ARFGEF2: variants seen among roughly 807,000 people sequenced by gnomAD.
The protein encoded by ARFGEF2 is ARF guanine nucleotide exchange factor 2.
A neutral mutation model predicts 219.9 loss-of-function variants in ARFGEF2; 74 were observed. The observed-to-expected ratio is 0.34, with a 90% CI of 0.28 to 0.41. The LOEUF (loss-of-function observed/expected upper bound fraction) is 0.41. Ranked by LOEUF, ARFGEF2 falls within the 10% of genes least tolerant of loss-of-function variation. The pLI, the probability that ARFGEF2 is intolerant of heterozygous loss-of-function variation, is 1.00. For missense variants in ARFGEF2, 1,743 were observed against 2,218.3 expected (o/e 0.79, Z 4.30); for synonymous variants, 733 against 799.2 (o/e 0.92, Z 1.40).
In ARFGEF2 at chr20:48,988,532, T is replaced by C; in HGVS notation, c.2403T>C (p.Asn801=). 6.2e-7 allele frequency: 1 copy of C among 1,613,606 alleles called. No homozygotes were observed. Among genetic ancestry groups the C allele is most frequent in the Non-Finnish European group, 8.5e-7 (1 of 1,179,710 alleles). The part of the protein sequence containing the change: ...KMTKEQYIKM[N]RGINDSKDLP... Reference sequence around the variant, plus strand: ...CGAAAGAGCAGTATATTAAAATGAATCGGGGTATCAATGATAGTAAAGATC... The same window carrying C: ...CGAAAGAGCAGTATATTAAAATGAACCGGGGTATCAATGATAGTAAAGATC... The change falls in exon 18 of 39, where the codon AAT becomes AAC. Residue 801 remains asparagine, a synonymous_variant. Transcript: ENST00000371917.
At chr20:49,032,949 T>G (rs746603834) in intron 38 of ARFGEF2, 74 bp from the exon 39 acceptor site, 10 of 1,402,774 alleles carry the variant, frequency 7.1e-6, no homozygotes, top group East Asian at 4.6e-5. Context: ...AGGGTGAGAT[T>G]AACACTTCTG....
At chr20:48,935,802 C>T (rs1169329336) in intron 1 of ARFGEF2, among the ~76,000 whole-genome samples, 4 of 144,730 alleles carry the variant, frequency 2.8e-5, no homozygotes, top group Non-Finnish European at 4.6e-5. Flanking sequence ...CCGGACGGGG[C>T]GGCTGGCCGG....
At chr20:48,953,169 T>TTTTTTC (rs1193636710) in intron 5 of ARFGEF2, among the ~76,000 whole-genome samples, 30 of 150,196 alleles carry the variant, frequency 2.0e-4, no homozygotes, top group African/African-American at 7.3e-4. Flanking sequence ...TTTCTTTTTT[T>TTTTTTC]TTTTTTCTTT....
Position 48,990,592 on chromosome 20 carries a change from G to A in ARFGEF2, c.2815-448G>A, listed in dbSNP as rs188467444. Among the ~76,000 whole-genome samples the A allele has an allele frequency of 2.0e-5, 3 of 152,230 alleles. No homozygotes were observed. The East Asian group carries it at 5.8e-4, about 29-fold the overall frequency. On this transcript the variant is annotated intron_variant, in intron 20 of 38. Coordinates refer to ENST00000371917, the MANE Select transcript of ARFGEF2 (RefSeq NM_006420.3). The stretch of plus-strand genomic sequence containing the variant: ...ACCAAGACCACAAGCTTTGACGTTA[G>A]ACCATCTAGGTTTCAAGACCCCACT...
intron 6 of ARFGEF2, among the ~76,000 whole-genome samples, chr20:48,961,085 TAA>T (rs2091147257): frequency 6.8e-6 from 1 of 146,170 alleles, no homozygotes; most frequent in African/African-American, 2.5e-5. Context: ...TCTCAAAATA[TAA>T]TAATAATAAT....
intron 35 of ARFGEF2, 42 bp from the exon 36 acceptor site, chr20:49,025,271 A>G: frequency 6.3e-7 from 1 of 1,582,104 alleles, no homozygotes; most frequent in Non-Finnish European, 8.6e-7. Flanking sequence ...AGAGCATTCC[A>G]TCTTCTTCAT....
chr20:48,981,605 C>T (rs1213797555), intron 14 of ARFGEF2, among the ~76,000 whole-genome samples: 1 of 152,220 alleles, frequency 6.6e-6, no homozygotes, highest in East Asian at 1.9e-4. Flanking sequence ...CTCCCTGTCA[C>T]TTTCAGGCAT....
chr20:48,926,505 G>A (rs538847609), intron 1 of ARFGEF2, among the ~76,000 whole-genome samples: 80 of 151,812 alleles, frequency 5.3e-4, no homozygotes, highest in African/African-American at 1.9e-3. Flanking sequence ...CCAGGCTGGA[G>A]TGCAGTGGTG....
intron 23 of ARFGEF2, among the ~76,000 whole-genome samples, chr20:48,996,564 A>T (rs981073162): frequency 1.3e-5 from 2 of 151,698 alleles, no homozygotes; most frequent in East Asian, 3.9e-4. Context: ...TGGTGAAACC[A>T]TGTCTCTACT....
At chr20:48,962,012 C>G (rs1213984752) in intron 6 of ARFGEF2, among the ~76,000 whole-genome samples, 1 of 151,442 alleles carries the variant, frequency 6.6e-6, no homozygotes, top group Non-Finnish European at 1.5e-5. Flanking sequence ...AACCCTATCT[C>G]TGCTAAAAAT....
intron 25 of ARFGEF2, among the ~76,000 whole-genome samples, chr20:49,004,716 G>A (rs7362627): frequency 3.3e-5 from 5 of 151,250 alleles, no homozygotes; most frequent in African/African-American, 9.7e-5. Flanking sequence ...TGCTTGAACC[G>A]GGGAGATGGA....
chr20:49,025,017 C>A (rs2091593350), intron 35 of ARFGEF2, among the ~76,000 whole-genome samples: 1 of 152,002 alleles, frequency 6.6e-6, no homozygotes, highest in South Asian at 2.1e-4. Context: ...AATAATAATT[C>A]ATTCCTGTAA....
intron 8 of ARFGEF2, 109 bp from the exon 9 acceptor site, chr20:48,969,038 G>T (rs1211189082): frequency 9.2e-7 from 1 of 1,085,058 alleles, no homozygotes; most frequent in African/African-American, 1.6e-5. Flanking sequence ...ATGGCTTACT[G>T]CAGCCTTGAC....
chr20:48,955,367 T>C (rs1020754082), intron 6 of ARFGEF2, among the ~76,000 whole-genome samples: 1 of 152,292 alleles, frequency 6.6e-6, no homozygotes, highest in African/African-American at 2.4e-5. Context: ...TCATCATATC[T>C]GTCCCATTAT....
At chr20:48,985,238 G>A (rs979212247) in intron 15 of ARFGEF2, among the ~76,000 whole-genome samples, 170 bp from the exon 16 acceptor site, 18 of 137,836 alleles carry the variant, frequency 1.3e-4, no homozygotes, top group Non-Finnish European at 2.5e-4. Context: ...GGCTGCTTCT[G>A]GAATGGGTGG....
At chr20:48,998,313 G>A in intron 24 of ARFGEF2, 23 bp from the exon 25 acceptor site, 1 of 1,614,206 alleles carries the variant, frequency 6.2e-7, no homozygotes, top group Non-Finnish European at 8.5e-7. Context: ...GGCTTTGCTT[G>A]TGTTGTTGGG....
chr20:48,973,047 A>G, intron 11 of ARFGEF2, 98 bp from the exon 12 acceptor site: 1 of 1,379,054 alleles, frequency 7.3e-7, no homozygotes, highest in Non-Finnish European at 1.0e-6. Flanking sequence ...CGGAGTCTGT[A>G]GTTCACTGGG....
chr20:48,928,359 C>A (rs1214884912), intron 1 of ARFGEF2, among the ~76,000 whole-genome samples: 1 of 145,892 alleles, frequency 6.9e-6, no homozygotes, highest in Non-Finnish European at 1.5e-5. Flanking sequence ...CTACCACGCC[C>A]GGCTAATTTT....
chr20:49,029,660 C>T lies in ARFGEF2; in HGVS notation c.5063+992C>T, dbSNP rs1179782546. 4.1e-5 allele frequency among the ~76,000 whole-genome samples: 6 copies of T among 147,044 alleles called. No individual in the cohort carries two copies. In the East Asian group the frequency reaches 1.2e-3, roughly 30 times the overall value. Reference sequence around the variant, plus strand: ...AGGCTGGAGTGCAGTGGTGCAATCTCAGCTCACTGCAAGGTCCACTTCCTG... The same window carrying T: ...AGGCTGGAGTGCAGTGGTGCAATCTTAGCTCACTGCAAGGTCCACTTCCTG... On this transcript the variant is annotated intron_variant, in intron 37 of 38. Transcript: ENST00000371917.
Sources: gnomAD v4.1 joint callset for allele counts (sites outside exome capture counted in the v4.1 genomes callset) on GRCh38, gnomAD v4.1.1 for gene constraint, MANE v1.5 for transcripts, NCBI Gene and HGNC (gene_info 2026-07-23, HGNC 2026-07-21) for gene names.